Variants in TMEM117 observed in about 807,000 individuals in gnomAD.
TMEM117 encodes the protein transmembrane protein 117.
TMEM117 carries 27 observed loss-of-function variants against 52.4 expected under a neutral mutation model. That is an observed-to-expected ratio of 0.51 (90% CI 0.38 to 0.71). The LOEUF (loss-of-function observed/expected upper bound fraction) is 0.71, where lower values mean the gene tolerates loss of function less well. Among genes scored for constraint, TMEM117 ranks in the 30% least tolerant of loss-of-function variants. The probability of loss-of-function intolerance (pLI) is 0.00; values close to 1 mark genes in which losing one functional copy is unlikely to be tolerated. For synonymous variants in TMEM117, 215 were observed against 206.3 expected, an observed-to-expected ratio of 1.04 and a Z score of -0.36; for missense variants, 556 against 630.5, an observed-to-expected ratio of 0.88 and a Z score of 1.26.
chr12:44,287,712 G>T (rs924355470), intron 5 of TMEM117, among the ~76,000 whole-genome samples: 1 of 152,214 alleles, frequency 6.6e-6, no homozygotes, highest in Non-Finnish European at 1.5e-5. Context: ...GAAAGGCATT[G>T]CAGTGCAGTG....
chr12:44,123,187 G>T (rs1172374318), intron 3 of TMEM117, among the ~76,000 whole-genome samples: 1 of 151,176 alleles, frequency 6.6e-6, no homozygotes, highest in Non-Finnish European at 1.5e-5. Flanking sequence ...CATGTTTGTT[G>T]GCTGTACGTA....
chr12:44,305,272 A>G (rs780567721), intron 6 of TMEM117, among the ~76,000 whole-genome samples: 32 of 152,210 alleles, frequency 2.1e-4, no homozygotes, highest in Non-Finnish European at 4.0e-4. Context: ...TAAGTCCCCA[A>G]AAGCAATTGC....
At chr12:43,992,799 A>G (rs1433139919) in intron 3 of TMEM117, among the ~76,000 whole-genome samples, 1 of 152,140 alleles carries the variant, frequency 6.6e-6, no homozygotes, top group Non-Finnish European at 1.5e-5. Flanking sequence ...CTCATCATTC[A>G]AGGTTTGGTT....
chr12:44,242,443 T>C (rs1040381015), intron 5 of TMEM117, among the ~76,000 whole-genome samples: 4 of 152,016 alleles, frequency 2.6e-5, no homozygotes, highest in South Asian at 4.2e-4. Flanking sequence ...TCCAGCTCCA[T>C]CGTCATCCCT....
At position 44,097,334 on chromosome 12, in the gene TMEM117, A is replaced by G. The variant is rs4254126; in HGVS notation, c.411-46191A>G. On this transcript the variant is annotated intron_variant, in intron 3 of 7. Transcript: ENST00000266534. ...ATTCCTCAGGGATCTAGAACTAGAA[A>G]TACCATTTGACCCAGCCATCCCGTT... 2.3e-3 allele frequency among the ~76,000 whole-genome samples: 355 copies of G among 152,224 alleles called. 11 individuals carry two copies. The East Asian group carries it at 0.035, about 15-fold the overall frequency.
In TMEM117 at chr12:43,906,961, C is replaced by T. The variant is rs1397588201; in HGVS notation, c.278-37249C>T. Reference sequence around the variant, plus strand: ...CCCAGGCTTGCTTAGGTAAACAAAGCAGCTGGGAAGCTTGAACTGGGTGGA... The same window carrying T: ...CCCAGGCTTGCTTAGGTAAACAAAGTAGCTGGGAAGCTTGAACTGGGTGGA... On this transcript the variant is annotated intron_variant, in intron 2 of 7. Transcript: ENST00000266534. 2.0e-5 allele frequency among the ~76,000 whole-genome samples: 3 copies of T among 152,254 alleles called. No homozygotes were observed. In the East Asian group the frequency reaches 5.8e-4, roughly 29 times the overall value.
intron 3 of TMEM117, among the ~76,000 whole-genome samples, chr12:44,078,134 A>C (rs1239094416): frequency 6.6e-6 from 1 of 152,226 alleles, no homozygotes; most frequent in Non-Finnish European, 1.5e-5. Context: ...TAATTATCCA[A>C]AATGTTTAAT....
At chr12:44,250,297 C>T (rs748830023) in intron 5 of TMEM117, among the ~76,000 whole-genome samples, 2 of 152,148 alleles carry the variant, frequency 1.3e-5, no homozygotes, top group African/African-American at 2.4e-5. Flanking sequence ...AATACCAGTT[C>T]GCACCAGTCA....
intron 2 of TMEM117, among the ~76,000 whole-genome samples, chr12:43,874,728 A>T (rs1943764425): frequency 6.6e-6 from 1 of 152,212 alleles, no homozygotes; most frequent in Non-Finnish European, 1.5e-5. Flanking sequence ...TTTTAATTTG[A>T]CATGTTTTTC....
At chr12:44,329,399 C>G (rs1951237614) in intron 6 of TMEM117, among the ~76,000 whole-genome samples, 1 of 152,070 alleles carries the variant, frequency 6.6e-6, no homozygotes, top group African/African-American at 2.4e-5. Context: ...TGGTCAACTT[C>G]ACGTAGCCAG....
intron 3 of TMEM117, among the ~76,000 whole-genome samples, chr12:44,011,841 C>T (rs939840059): frequency 2.0e-5 from 3 of 152,040 alleles, no homozygotes; most frequent in Non-Finnish European, 4.4e-5. Flanking sequence ...GTTGTCTGTT[C>T]TCTGATAAGT....
At chr12:44,206,821 G>C (rs1363331995) in intron 4 of TMEM117, among the ~76,000 whole-genome samples, 1 of 152,144 alleles carries the variant, frequency 6.6e-6, no homozygotes, top group Non-Finnish European at 1.5e-5. Flanking sequence ...TGAGTGGGGA[G>C]GGTGAGAGGA....
the TMEM117 span, among the ~76,000 whole-genome samples, chr12:43,813,828 T>A: frequency 6.6e-6 from 1 of 152,114 alleles, no homozygotes; most frequent in Non-Finnish European, 1.5e-5. Flanking sequence ...AGCCTCAATT[T>A]TGTTTCATTT....
rs770184108 is a variant in TMEM117, at chr12:44,299,683, T to G, written c.712T>G (p.Ser238Ala). Residue 238 changes from serine to alanine, a missense_variant, in exon 6 of 8, where the codon TCC becomes GCC. Transcript: ENST00000266534. ...GGGATTTTTGCCCAGTGATGAAGTT[T>G]CCAGAGCATTCCTTGCTTCTTTTAT... is the stretch of plus-strand genomic sequence containing the variant. The part of the protein sequence containing the change: ...NRGFLPSDEV[S>A]RAFLASFILV... The G allele has an allele frequency of 6.2e-7, 1 of 1,614,078 alleles. No individual in the cohort carries two copies. Among genetic ancestry groups the G allele is most frequent in the African/African-American group, 1.3e-5 (1 of 74,922 alleles).
At chr12:43,969,735 C>T (rs975175244) in intron 3 of TMEM117, among the ~76,000 whole-genome samples, 9 of 152,002 alleles carry the variant, frequency 5.9e-5, no homozygotes, top group Non-Finnish European at 1.3e-4. Flanking sequence ...AAAATCCATA[C>T]GGTCACCTAG....
intron 3 of TMEM117, among the ~76,000 whole-genome samples, chr12:44,133,489 C>T (rs1420345953): frequency 6.6e-6 from 1 of 152,114 alleles, no homozygotes; most frequent in Non-Finnish European, 1.5e-5. Flanking sequence ...TTTCTTCTCT[C>T]CTCTCTTTTC....
At chr12:44,205,094 C>A (rs964377449) in intron 4 of TMEM117, among the ~76,000 whole-genome samples, 2 of 152,110 alleles carry the variant, frequency 1.3e-5, no homozygotes, top group Non-Finnish European at 2.9e-5. Context: ...AATAAACTAT[C>A]AATGGAGTAA....
At chr12:43,909,658 A>G (rs1490972014) in intron 2 of TMEM117, among the ~76,000 whole-genome samples, 1 of 152,072 alleles carries the variant, frequency 6.6e-6, no homozygotes. Flanking sequence ...ATGATAAAGG[A>G]GATATCACCA....
At chr12:43,797,992 T>A in the TMEM117 span, 1 of 712,204 alleles carries the variant, frequency 1.4e-6, no homozygotes, top group Non-Finnish European at 2.2e-6. Flanking sequence ...TAGCATTTTG[T>A]CAACATGCAG....
Sources: allele counts gnomAD v4.1 joint callset (sites outside exome capture counted in the v4.1 genomes callset), GRCh38; gene constraint gnomAD v4.1.1; transcripts MANE v1.5; gene names NCBI Gene and HGNC (gene_info 2026-07-23, HGNC 2026-07-21).